Variants in HMGXB4 observed in about 807,000 individuals in gnomAD.
HMGXB4 encodes the protein HMG-box containing 4, also known as HMG domain-containing protein 4.
A neutral mutation model predicts 63.9 loss-of-function variants in HMGXB4; 27 were observed. The observed-to-expected ratio is 0.42, with a 90% CI of 0.31 to 0.58. The LOEUF (loss-of-function observed/expected upper bound fraction) is 0.58. Among genes scored for constraint, HMGXB4 ranks in the 20% least tolerant of loss-of-function variants. The pLI, the probability that HMGXB4 is intolerant of heterozygous loss-of-function variation, is 0.13. For missense variants in HMGXB4, 624 were observed against 700.7 expected (o/e 0.89, Z 1.24); for synonymous variants, 264 against 265.3 (o/e 0.99, Z 0.05).
In HMGXB4 at chr22:35,295,642, A is replaced by G. The variant is rs1925217266; in HGVS notation, c.*1991A>G. 6.6e-6 allele frequency: 1 copy of G among 152,632 alleles called. No individual in the cohort carries two copies. Among genetic ancestry groups the G allele is most frequent in the Non-Finnish European group, 1.5e-5 (1 of 68,038 alleles). The allele number at this position is 152,632 out of a possible 1,614,324, so 9.5% of individuals were successfully genotyped here. A position where few individuals can be genotyped will look rare whatever the true frequency, so the allele number is the denominator to read the frequency against. ...TCTGTACCTTGTGGTATTTGGTACT[A>G]TTAGAGGAAAAACTTTGGATTCAGA... is the stretch of plus-strand genomic sequence containing the variant. On this transcript the variant is annotated 3_prime_UTR_variant, in exon 11 of 11. Transcript: ENST00000216106.
intron 10 of HMGXB4, 52 bp from the exon 11 acceptor site, chr22:35,293,555 A>G: frequency 1.6e-6 from 2 of 1,263,820 alleles, no homozygotes; most frequent in South Asian, 1.2e-5. Context: ...AACATCTCTC[A>G]GGAAACCAAG....
chr22:35,268,659 T>C (rs1413220345), intron 5 of HMGXB4, among the ~76,000 whole-genome samples: 8 of 152,218 alleles, frequency 5.3e-5, no homozygotes, highest in Non-Finnish European at 7.3e-5. Flanking sequence ...TGGCCTATTG[T>C]AGACAGTCAG....
chr22:35,286,135 A>G, intron 7 of HMGXB4, 74 bp downstream of exon 7: 3 of 1,055,496 alleles, frequency 2.8e-6, no homozygotes, highest in East Asian at 2.4e-5. Flanking sequence ...TCCATAGACT[A>G]GCCAGCCAGA....
At chr22:35,287,731 C>T (rs1006922100) in intron 8 of HMGXB4, among the ~76,000 whole-genome samples, 2 of 152,022 alleles carry the variant, frequency 1.3e-5, no homozygotes. Flanking sequence ...GGCGGATCAC[C>T]TGAGGTCAGG....
chr22:35,276,828 A>G (rs772029104), intron 5 of HMGXB4, among the ~76,000 whole-genome samples: 11 of 152,224 alleles, frequency 7.2e-5, no homozygotes, highest in Non-Finnish European at 1.3e-4. Flanking sequence ...TGCTATTTCA[A>G]TGAAAAACTT....
At chr22:35,293,265 G>C (rs1925037961) in intron 10 of HMGXB4, 151 bp downstream of exon 10, 3 of 896,794 alleles carry the variant, frequency 3.3e-6, no homozygotes, top group African/African-American at 1.7e-5. Flanking sequence ...ATTATCAAAT[G>C]CATGCTGTAC....
intron 9 of HMGXB4, among the ~76,000 whole-genome samples, chr22:35,290,966 G>C (rs1304850724): frequency 6.6e-6 from 1 of 152,128 alleles, no homozygotes; most frequent in East Asian, 1.9e-4. Flanking sequence ...GCATAAGTTA[G>C]AAAATTAAGG....
chr22:35,257,172 C>T (rs547726579), upstream of HMGXB4, among the ~76,000 whole-genome samples: 1 of 152,354 alleles, frequency 6.6e-6, no homozygotes, highest in African/African-American at 2.4e-5. Flanking sequence ...CATTCAGAAT[C>T]AGAAGACTTG....
chr22:35,262,994 A>G (rs1922957306), intron 2 of HMGXB4, 84 bp from the exon 3 acceptor site: 5 of 1,228,322 alleles, frequency 4.1e-6, no homozygotes, highest in Non-Finnish European at 5.9e-6. Context: ...AAATAGAGGA[A>G]CTGTTGCATT....
chr22:35,274,769 T>C (rs1285242329), intron 5 of HMGXB4, among the ~76,000 whole-genome samples: 1 of 152,198 alleles, frequency 6.6e-6, no homozygotes, highest in Non-Finnish European at 1.5e-5. Flanking sequence ...TGTAGAAAGA[T>C]TTTCATTCAA....
chr22:35,294,440 G>T lies in HMGXB4; in HGVS notation c.*789G>T, dbSNP rs564014022. 6.5e-6 allele frequency: 1 copy of T among 152,696 alleles called. No individual in the cohort carries two copies. The highest frequency in any genetic ancestry group is 6.5e-5 in the Admixed American group (1 of 15,300). The allele number at this position is 152,696 out of a possible 1,614,324, so 9.5% of individuals were successfully genotyped here. On this transcript the variant is annotated 3_prime_UTR_variant, in exon 11 of 11. Transcript: ENST00000216106. ...TAAGTGCTGGTGTCTTTCACTGGCA[G>T]CATGAAGTTAGCCACCAAGTCCTCA...
At chr22:35,265,942 ATT>A (rs369153687) in intron 5 of HMGXB4, among the ~76,000 whole-genome samples, 130 of 135,706 alleles carry the variant, frequency 9.6e-4, no homozygotes, top group African/African-American at 2.9e-3. Context: ...CACCCGACTA[ATT>A]TTTTTTTTTT....
intron 5 of HMGXB4, among the ~76,000 whole-genome samples, chr22:35,269,114 C>G (rs1923443550): frequency 6.6e-6 from 1 of 152,194 alleles, no homozygotes; most frequent in Non-Finnish European, 1.5e-5. Context: ...CAGTGGCTCA[C>G]ACCTGTAATC....
intron 5 of HMGXB4, among the ~76,000 whole-genome samples, chr22:35,267,479 C>T (rs572877928): frequency 8.1e-4 from 124 of 152,178 alleles, no homozygotes; most frequent in African/African-American, 2.9e-3. Flanking sequence ...TGGAAGTGGA[C>T]GCATGGAGGC....
At chr22:35,252,079 G>A in the HMGXB4 span, among the ~76,000 whole-genome samples, 1,163 of 152,228 alleles carry the variant, frequency 7.6e-3, 10 homozygotes, top group African/African-American at 0.027. Flanking sequence ...GCCGGGTGTG[G>A]TGGTGCGTGC....
At chr22:35,291,990 G>A (rs1924959934) in intron 9 of HMGXB4, among the ~76,000 whole-genome samples, 2 of 152,192 alleles carry the variant, frequency 1.3e-5, no homozygotes, top group Admixed American at 1.3e-4. Context: ...GTGAATGGTG[G>A]TGACTTTGGC....
At chr22:35,260,792 C>T (rs898467712) in intron 1 of HMGXB4, among the ~76,000 whole-genome samples, 1 of 152,110 alleles carries the variant, frequency 6.6e-6, no homozygotes, top group East Asian at 1.9e-4. Flanking sequence ...CCATTTAGGC[C>T]TACCTGTATG....
the HMGXB4 span, among the ~76,000 whole-genome samples, chr22:35,247,500 C>T: frequency 0.019 from 2,896 of 152,304 alleles, 92 homozygotes; most frequent in African/African-American, 0.065. Context: ...TTCCAGTTAG[C>T]GCTCTCCTCT....
At position 35,263,776 on chromosome 22, in the gene HMGXB4, C is replaced by T; in HGVS notation, c.181-20C>T. Reference sequence around the variant, plus strand: ...TTTGCCTCATCATCTTATTATTGGTCAATTCTTCTTTAATTATAGGATAGT... The same window carrying T: ...TTTGCCTCATCATCTTATTATTGGTTAATTCTTCTTTAATTATAGGATAGT... On this transcript the variant is annotated intron_variant, in intron 3 of 10. Coordinates refer to ENST00000216106, the MANE Select transcript of HMGXB4 (RefSeq NM_001003681.3). The T allele has an allele frequency of 1.9e-6, 3 of 1,564,618 alleles. No homozygotes were observed. The highest frequency in any genetic ancestry group is 2.6e-6 in the Non-Finnish European group (3 of 1,134,902).
Sources: gnomAD v4.1 joint callset for allele counts (sites outside exome capture counted in the v4.1 genomes callset) on GRCh38, gnomAD v4.1.1 for gene constraint, MANE v1.5 for transcripts, NCBI Gene and HGNC (gene_info 2026-07-23, HGNC 2026-07-21) for gene names.